Variants in ASF1A observed in about 807,000 individuals in gnomAD.
ASF1A encodes the protein histone chaperone ASF1A.
A neutral mutation model predicts 22.0 loss-of-function variants in ASF1A; 5 were observed. The observed-to-expected ratio is 0.23, with a 90% CI of 0.12 to 0.48. The LOEUF (loss-of-function observed/expected upper bound fraction) is 0.48. Ranked by LOEUF, ASF1A falls within the 20% of genes least tolerant of loss-of-function variation. The pLI, the probability that ASF1A is intolerant of heterozygous loss-of-function variation, is 0.99. For missense variants in ASF1A, 137 were observed against 240.6 expected, an observed-to-expected ratio of 0.57 and a Z score of 2.85; for synonymous variants, 97 against 86.7, an observed-to-expected ratio of 1.12 and a Z score of -0.66.
In ASF1A at chr6:118,907,800, ATTT is replaced by A; in HGVS notation, c.*191_*193del. On this transcript the variant is annotated 3_prime_UTR_variant, in exon 4 of 4. Transcript: ENST00000229595. ...ATATAAATACAACTATTTTTAAGTA[ATTT>A]TTTTCTCTAATGTGTTATTTTATTT... The A allele has an allele frequency of 1.9e-6, 1 of 524,196 alleles. No individual in the cohort carries two copies. The highest frequency in any genetic ancestry group is 3.4e-6 in the Non-Finnish European group (1 of 297,934). The allele number at this position is 524,196 out of a possible 1,614,324, so 32.5% of individuals were successfully genotyped here. A position where few individuals can be genotyped will look rare whatever the true frequency, so the allele number is the denominator to read the frequency against.
At chr6:118,905,486 CTTA>C (rs1302595426) in intron 2 of ASF1A, among the ~76,000 whole-genome samples, 163 bp from the exon 3 acceptor site, 2 of 152,168 alleles carry the variant, frequency 1.3e-5, no homozygotes, top group African/African-American at 4.8e-5. Context: ...TCTTTTCCAG[CTTA>C]TTATAAGTCA....
At chr6:118,905,955 A>G (rs572413956) in intron 3 of ASF1A, 127 bp downstream of exon 3, 2 of 612,908 alleles carry the variant, frequency 3.3e-6, no homozygotes, top group South Asian at 2.6e-5. Flanking sequence ...CCTTATGCCA[A>G]CTGGGCAAAC....
At position 118,907,659 on chromosome 6, in the gene ASF1A, C is replaced by A. The variant is rs190021689; in HGVS notation, c.*45C>A. 1,352 of 1,466,752 alleles carry A rather than the reference C, an allele frequency of 9.2e-4. No homozygotes were observed. The highest frequency in any genetic ancestry group is 1.2e-3 in the Non-Finnish European group (1,243 of 1,050,734). 90.9% of individuals were successfully genotyped at this position (1,466,752 alleles called of 1,614,324 possible). On this transcript the variant is annotated 3_prime_UTR_variant, in exon 4 of 4. Coordinates refer to ENST00000229595, the MANE Select transcript of ASF1A (RefSeq NM_014034.3). ...TACAAATTAAGCTATTAAAAATACACAGAACTATTTCCCTGAAATTCCGTA... is the reference window on the plus strand; with the variant it reads ...TACAAATTAAGCTATTAAAAATACAAAGAACTATTTCCCTGAAATTCCGTA...
intron 1 of ASF1A, among the ~76,000 whole-genome samples, chr6:118,899,458 T>C (rs563992774): frequency 6.6e-6 from 1 of 152,164 alleles, no homozygotes; most frequent in African/African-American, 2.4e-5. Flanking sequence ...GTATTTGCTG[T>C]TCCCTCTGGC....
Position 118,907,824 on chromosome 6 carries a change from T to C in ASF1A, c.*210T>C. The C allele has an allele frequency of 2.0e-6, 1 of 491,884 alleles. No homozygotes were observed. The highest frequency in any genetic ancestry group is 3.6e-6 in the Non-Finnish European group (1 of 276,574). The allele number at this position is 491,884 out of a possible 1,614,324, so 30.5% of individuals were successfully genotyped here. ...AATTTTTTTCTCTAATGTGTTATTT[T>C]ATTTGTTCTGAAACTAATCTGATTA... is the stretch of plus-strand genomic sequence containing the variant. On this transcript the variant is annotated 3_prime_UTR_variant, in exon 4 of 4. Transcript: ENST00000229595.
chr6:118,895,282 G>T (rs1779311321), intron 1 of ASF1A, among the ~76,000 whole-genome samples: 1 of 152,078 alleles, frequency 6.6e-6, no homozygotes, highest in African/African-American at 2.4e-5. Flanking sequence ...GATGCGCCGG[G>T]ATGCTGGCGC....
At chr6:118,894,596 C>A (rs1779215239) in intron 1 of ASF1A, 74 bp downstream of exon 1, 1 of 1,292,692 alleles carries the variant, frequency 7.7e-7, no homozygotes, top group African/African-American at 1.5e-5. Flanking sequence ...GGCCGGGCCT[C>A]GCGCTGGGCG....
rs147393639 is a variant in ASF1A, at chr6:118,902,220, G to A, written c.225+1339G>A. Among the ~76,000 whole-genome samples the A allele has an allele frequency of 7.6e-3, 1,152 of 152,192 alleles. 8 individuals are homozygous for A. Among genetic ancestry groups the A allele is most frequent in the South Asian group, 0.029 (139 of 4,824 alleles). ...CAGTTATAGATATAGGTCAAATCCC[G>A]ACACCTCTGTATTAGCCATGTGTGG... On this transcript the variant is annotated intron_variant, in intron 2 of 3. Coordinates refer to ENST00000229595, the MANE Select transcript of ASF1A (RefSeq NM_014034.3).
chr6:118,905,149 T>C (rs1043513707), intron 2 of ASF1A, among the ~76,000 whole-genome samples: 1 of 152,230 alleles, frequency 6.6e-6, no homozygotes, highest in African/African-American at 2.4e-5. Flanking sequence ...TTTTCAGTTT[T>C]ATACTAATTT....
chr6:118,905,696 A>G lies in ASF1A; in HGVS notation c.270A>G (p.Val90=), dbSNP rs773531880. The part of the protein sequence containing the change: ...NPGLIPDADA[V]GVTVVLITCT... The stretch of plus-strand genomic sequence containing the variant: ...GACTCATTCCAGATGCAGATGCAGT[A>G]GGCGTAACTGTTGTGCTAATTACTT... Residue 90 remains valine (V), a synonymous_variant, in exon 3 of 4, where the codon GTA becomes GTG. Coordinates refer to ENST00000229595, the MANE Select transcript of ASF1A (RefSeq NM_014034.3). 5 of 1,613,640 alleles carry G rather than the reference A, an allele frequency of 3.1e-6. No individual in the cohort carries two copies. The highest frequency in any genetic ancestry group is 3.4e-6 in the Non-Finnish European group (4 of 1,179,672).
In ASF1A at chr6:118,908,049, A is replaced by G. The variant is rs1160929569; in HGVS notation, c.*435A>G. ...AAGACATATGGTATCATTTTAATTT[A>G]AGGGGCAGATTTCCATTCTTTTTTG... On this transcript the variant is annotated 3_prime_UTR_variant, in exon 4 of 4. Coordinates refer to ENST00000229595, the MANE Select transcript of ASF1A (RefSeq NM_014034.3). The G allele has an allele frequency of 6.5e-6, 1 of 154,368 alleles. No individual in the cohort carries two copies. Among genetic ancestry groups the G allele is most frequent in the Non-Finnish European group, 1.4e-5 (1 of 69,236 alleles). The allele number at this position is 154,368 out of a possible 1,614,324, so 9.6% of individuals were successfully genotyped here. A position where few individuals can be genotyped will look rare whatever the true frequency, so the allele number is the denominator to read the frequency against.
rs1780134577 is a variant in ASF1A, at chr6:118,905,684, T to C, written c.258T>C (p.Asp86=). 6.2e-7 allele frequency: 1 copy of C among 1,613,370 alleles called. No individual in the cohort carries two copies. Among genetic ancestry groups the C allele is most frequent in the African/African-American group, 1.3e-5 (1 of 75,034 alleles). ...ADAPNPGLIP[D]ADAVGVTVVL... ...CACCTAATCCAGGACTCATTCCAGATGCAGATGCAGTAGGCGTAACTGTTG... is the reference window on the plus strand; with the variant it reads ...CACCTAATCCAGGACTCATTCCAGACGCAGATGCAGTAGGCGTAACTGTTG... The change falls in exon 3 of 4, where the codon GAT becomes GAC. Residue 86 remains aspartate, a synonymous_variant. Transcript: ENST00000229595.
At position 118,900,699 on chromosome 6, in the gene ASF1A, G is replaced by T; in HGVS notation, c.110-67G>T. 4 of 1,124,356 alleles carry T rather than the reference G, an allele frequency of 3.6e-6. 1 individual carries two copies. In the South Asian group the frequency reaches 5.0e-5, roughly 14 times the overall value. 69.6% of individuals were successfully genotyped at this position (1,124,356 alleles called of 1,614,324 possible). A position where few individuals can be genotyped will look rare whatever the true frequency, so the allele number is the denominator to read the frequency against. ...TAAGTGGCTAAGTGGACATTAAAAG[G>T]GTCTTTGATGTCATCTGGTAATGTA... On this transcript the variant is annotated intron_variant, in intron 1 of 3. Transcript: ENST00000229595.
chr6:118,907,016 T>A (rs1337388886), intron 3 of ASF1A, among the ~76,000 whole-genome samples: 1 of 152,176 alleles, frequency 6.6e-6, no homozygotes, highest in African/African-American at 2.4e-5. Flanking sequence ...TATTTGACAA[T>A]TTTTCATTTT....
rs554799875 is a variant in ASF1A at position 118,907,389 on chromosome 6, C to G, written c.403-13C>G. 8 of 1,557,244 alleles carry G rather than the reference C, an allele frequency of 5.1e-6. No homozygotes were observed. The African/African-American group carries it at 9.5e-5, about 19-fold the overall frequency. On this transcript the variant is annotated splice_polypyrimidine_tract_variant and intron_variant, in intron 3 of 3. Coordinates refer to ENST00000229595, the MANE Select transcript of ASF1A (RefSeq NM_014034.3). ...TTAGTGTTTACCATTTGTATGTTTC[C>G]TTTTTCCTCTAGCTTCAAAGGAATA...
chr6:118,894,273 GAA>G lies in ASF1A; in HGVS notation c.-136_-135del, dbSNP rs1583571320. 8.9e-6 allele frequency: 13 copies of G among 1,462,744 alleles called. No homozygotes were observed. The highest frequency in any genetic ancestry group is 1.2e-5 in the Non-Finnish European group (13 of 1,114,002). The allele number at this position is 1,462,744 out of a possible 1,614,324, so 90.6% of individuals were successfully genotyped here. On this transcript the variant is annotated 5_prime_UTR_variant, in exon 1 of 4. Coordinates refer to ENST00000229595, the MANE Select transcript of ASF1A (RefSeq NM_014034.3). ...AGTGCTCCCGTGTAAATAAAAAGAGGAAAAAAGTTTCTCAAGTCGCCGCTGCA... is the reference window on the plus strand; with the variant it reads ...AGTGCTCCCGTGTAAATAAAAAGAGGAAAAGTTTCTCAAGTCGCCGCTGCA...
At chr6:118,895,016 C>G (rs1365689467) in intron 1 of ASF1A, among the ~76,000 whole-genome samples, 1 of 152,162 alleles carries the variant, frequency 6.6e-6, no homozygotes, top group Non-Finnish European at 1.5e-5. Flanking sequence ...CTTGCCCCGC[C>G]GCCCGCCTGC....
At chr6:118,898,327 T>C (rs1305281540) in intron 1 of ASF1A, among the ~76,000 whole-genome samples, 1 of 152,186 alleles carries the variant, frequency 6.6e-6, no homozygotes. Flanking sequence ...CCTATGCCAG[T>C]CCACAAATGC....
intron 2 of ASF1A, among the ~76,000 whole-genome samples, chr6:118,904,131 G>A (rs568622250): frequency 2.0e-5 from 3 of 152,278 alleles, no homozygotes; most frequent in Admixed American, 1.3e-4. Flanking sequence ...TGGTAGCAGT[G>A]CAAATGATAG....
Sources: gnomAD v4.1 joint callset for allele counts (sites outside exome capture counted in the v4.1 genomes callset) on GRCh38, gnomAD v4.1.1 for gene constraint, MANE v1.5 for transcripts, NCBI Gene and HGNC (gene_info 2026-07-23, HGNC 2026-07-21) for gene names.